Variants in BTBD7 observed in about 807,000 individuals in gnomAD.
BTBD7 encodes BTB domain containing 7, also known as BTB/POZ domain-containing protein 7.
BTBD7 carries 38 observed loss-of-function variants against 99.9 expected under a neutral mutation model. The observed-to-expected ratio is 0.38, with a 90% CI of 0.29 to 0.50. BTBD7 has a LOEUF of 0.50. Ranked by LOEUF, BTBD7 falls within the 20% of genes least tolerant of loss-of-function variation. The pLI, the probability that BTBD7 is intolerant of heterozygous loss-of-function variation, is 0.93. For synonymous variants in BTBD7, 520 were observed against 511.4 expected, an observed-to-expected ratio of 1.02 and a Z score of -0.23; for missense variants, 1,170 against 1,394.6, an observed-to-expected ratio of 0.84 and a Z score of 2.57.
chr14:93,269,943 C>A (rs545576171), intron 3 of BTBD7, among the ~76,000 whole-genome samples: 5 of 152,308 alleles, frequency 3.3e-5, no homozygotes, highest in Non-Finnish European at 4.4e-5. Context: ...GAGGCCCCAG[C>A]TGCTGCAAAC....
At chr14:93,328,810 C>T (rs922683751) in intron 1 of BTBD7, among the ~76,000 whole-genome samples, 5 of 151,858 alleles carry the variant, frequency 3.3e-5, no homozygotes, top group South Asian at 4.2e-4. Flanking sequence ...CCCAGCTGTT[C>T]GGGAGGCTGA....
chr14:93,247,050 A>T (rs1389493095), intron 9 of BTBD7, among the ~76,000 whole-genome samples: 3 of 152,162 alleles, frequency 2.0e-5, no homozygotes, highest in Non-Finnish European at 2.9e-5. Context: ...TTTTTGAGAC[A>T]GGGTCTCATT....
chr14:93,247,024 T>C (rs974571688), intron 9 of BTBD7, among the ~76,000 whole-genome samples: 3 of 152,170 alleles, frequency 2.0e-5, no homozygotes, highest in Non-Finnish European at 4.4e-5. Flanking sequence ...GTTTATTCAT[T>C]CATTCATTCA....
chr14:93,328,937 C>A (rs2053366409), intron 1 of BTBD7, among the ~76,000 whole-genome samples: 1 of 152,040 alleles, frequency 6.6e-6, no homozygotes, highest in Non-Finnish European at 1.5e-5. Context: ...AGAAAGAAAA[C>A]ATAGGGGAAA....
Position 93,253,709 on chromosome 14 carries a change from G to T in BTBD7, c.1690C>A (p.Gln564Lys). The T allele has an allele frequency of 1.2e-6, 2 of 1,613,208 alleles. No homozygotes were observed. Among genetic ancestry groups the T allele is most frequent in the Non-Finnish European group, 1.7e-6 (2 of 1,179,524 alleles). ...CGAACATAGATGCCAGCATTTTTTT[G>T]CCGTAACCAGGCATTTGACTTCCCA... ...EGGKSNAWLR[Q>K]KNAGIYVRPR... The change falls in exon 7 of 11, where the codon CAA (glutamine) becomes AAA (lysine). Residue 564 changes from glutamine to lysine, a missense_variant. Gln to Lys is a moderately conservative substitution (Grantham distance 53). Around this residue, in one of 4 missense-constraint regions of BTBD7, gnomAD observed 309 missense variants for 342.0 expected, o/e 0.90. Transcript: ENST00000334746.
rs190609675 is a variant in BTBD7 at position 93,246,205 on chromosome 14, C to A, written c.2203G>T (p.Val735Leu). Residue 735 changes from valine (V) to leucine (L), a missense_variant, in exon 10 of 11, where the codon GTA becomes TTA. Coordinates refer to ENST00000334746, the MANE Select transcript of BTBD7 (RefSeq NM_001002860.4). ...LTMRQPGRCR[V>L]NSTPPAETMF... ...GTTTCTGCAGGAGGTGTACTGTTTA[C>A]GCGACATCTCCCAGGCTGTCTCATT... 17 of 1,607,674 alleles carry A rather than the reference C, an allele frequency of 1.1e-5. No individual in the cohort carries two copies. The highest frequency in any genetic ancestry group is 1.4e-5 in the Non-Finnish European group (17 of 1,176,750).
rs1458346416 is a variant in BTBD7, at chr14:93,272,793, G to A, written c.1163-8800C>T. 6.6e-5 allele frequency among the ~76,000 whole-genome samples: 10 copies of A among 152,248 alleles called. No individual in the cohort carries two copies. In the East Asian group the frequency reaches 1.7e-3, roughly 26 times the overall value. The stretch of plus-strand genomic sequence containing the variant: ...TGTTCTGCACTGTCGGTCCTTAGAT[G>A]CTGTGACTCTGAGAGCTGCTTGGAT... On this transcript the variant is annotated intron_variant, in intron 3 of 10. Transcript: ENST00000334746.
chr14:93,253,767 A>G lies in BTBD7; in HGVS notation c.1632T>C (p.Thr544=), dbSNP rs1313979430. 1.9e-6 allele frequency: 3 copies of G among 1,599,072 alleles called. No individual in the cohort carries two copies. Among genetic ancestry groups the G allele is most frequent in the African/African-American group, 1.3e-5 (1 of 74,720 alleles). The part of the protein sequence containing the change: ...SDAMKRGLIS[T]PPSDMLPTTE... ...TTGTAGGAAGCATATCTGATGGAGG[A>G]GTACTAATCAAGCCTCTTTTCATCT... is the stretch of plus-strand genomic sequence containing the variant. The change falls in exon 7 of 11, where the codon ACT becomes ACC. Residue 544 remains threonine (T), a synonymous_variant. Transcript: ENST00000334746.
intron 5 of BTBD7, among the ~76,000 whole-genome samples, chr14:93,258,767 T>C (rs1313711425): frequency 6.6e-6 from 1 of 152,122 alleles, no homozygotes; most frequent in Non-Finnish European, 1.5e-5. Flanking sequence ...CTATTTTTAG[T>C]AGAGATGGGG....
intron 3 of BTBD7, among the ~76,000 whole-genome samples, chr14:93,277,145 G>C (rs1313470275): frequency 1.3e-5 from 2 of 151,990 alleles, no homozygotes; most frequent in African/African-American, 4.8e-5. Flanking sequence ...CAGGTGATCC[G>C]CCCACCTTGG....
intron 1 of BTBD7, among the ~76,000 whole-genome samples, chr14:93,308,121 C>T (rs1220474834): frequency 1.3e-5 from 2 of 151,762 alleles, no homozygotes; most frequent in African/African-American, 4.8e-5. Context: ...AGTGAAACCC[C>T]GTCTCTACTA....
intron 3 of BTBD7, among the ~76,000 whole-genome samples, chr14:93,272,782 G>T (rs1351875503): frequency 2.6e-5 from 4 of 152,252 alleles, no homozygotes; most frequent in African/African-American, 9.6e-5. Flanking sequence ...CTGCACTGTC[G>T]GTCCTTAGAT....
intron 3 of BTBD7, among the ~76,000 whole-genome samples, chr14:93,278,983 TAC>T (rs1304278605): frequency 6.6e-6 from 1 of 152,154 alleles, no homozygotes; most frequent in African/African-American, 2.4e-5. Flanking sequence ...AACAAATGAA[TAC>T]ACAGAGCATA....
chr14:93,252,311 A>T (rs1429327870), intron 7 of BTBD7, among the ~76,000 whole-genome samples: 6 of 138,484 alleles, frequency 4.3e-5, no homozygotes. Context: ...ACTCCGTCTT[A>T]AAAAAAAAAA....
chr14:93,247,433 G>A lies in BTBD7; in HGVS notation c.2121+1043C>T, dbSNP rs964012525. Among the ~76,000 whole-genome samples the A allele has an allele frequency of 3.3e-5, 5 of 152,066 alleles. No homozygotes were observed. The South Asian group carries it at 6.2e-4, about 19-fold the overall frequency. On this transcript the variant is annotated intron_variant, in intron 9 of 10. Transcript: ENST00000334746. ...TGCAATCTTGGCTCACAGCAAACTCGGCCTCCCAGGTTCAAGCGATTCTCT... is the reference window on the plus strand; with the variant it reads ...TGCAATCTTGGCTCACAGCAAACTCAGCCTCCCAGGTTCAAGCGATTCTCT...
chr14:93,304,404 T>G (rs1416717529), intron 1 of BTBD7, among the ~76,000 whole-genome samples: 1 of 152,234 alleles, frequency 6.6e-6, no homozygotes, highest in Non-Finnish European at 1.5e-5. Context: ...CAGGCTGGAG[T>G]GCAGTGGCGC....
intron 1 of BTBD7, among the ~76,000 whole-genome samples, chr14:93,316,725 G>A (rs1351128395): frequency 1.3e-5 from 2 of 152,132 alleles, no homozygotes; most frequent in Non-Finnish European, 2.9e-5. Flanking sequence ...TAGTAAAAAC[G>A]TTTGCTTGCT....
chr14:93,245,354 A>G (rs1158021630), intron 10 of BTBD7, among the ~76,000 whole-genome samples: 1 of 152,196 alleles, frequency 6.6e-6, no homozygotes, highest in East Asian at 1.9e-4. Flanking sequence ...TTTTCTGCTC[A>G]TCTTCTGAAT....
chr14:93,305,425 G>A (rs1466386806), intron 1 of BTBD7, among the ~76,000 whole-genome samples: 3 of 152,174 alleles, frequency 2.0e-5, no homozygotes, highest in Admixed American at 6.5e-5. Flanking sequence ...TTTTGAGAAC[G>A]TTTAGCTATA....
Sources: allele counts gnomAD v4.1 joint callset (sites outside exome capture counted in the v4.1 genomes callset), GRCh38; gene constraint gnomAD v4.1.1; regional missense constraint gnomAD v4.1.1; transcripts MANE v1.5; gene names NCBI Gene and HGNC (gene_info 2026-07-23, HGNC 2026-07-21).